NT5DC4: variants seen among roughly 807,000 people sequenced by gnomAD.
NT5DC4 encodes 5'-nucleotidase domain-containing protein 4.
Under a neutral mutation model 26.6 loss-of-function variants are expected in NT5DC4, and 44 were observed. The ratio of observed to expected loss-of-function variants is 1.65; its 90% CI spans 1.30 to 2.13. The LOEUF is 2.13. Among genes scored for constraint, NT5DC4 ranks in the 30% most tolerant of loss-of-function variants. The probability of loss-of-function intolerance (pLI) is 0.00; values close to 1 mark genes in which losing one functional copy is unlikely to be tolerated. For missense variants in NT5DC4, 399 were observed against 228.1 expected, an observed-to-expected ratio of 1.75 and a Z score of -4.83; for synonymous variants, 157 against 86.7, an observed-to-expected ratio of 1.81 and a Z score of -4.51.
intron 1 of NT5DC4, 168 bp from the exon 2 acceptor site, chr2:112,721,650 A>G: frequency 1.4e-6 from 1 of 716,618 alleles, no homozygotes; most frequent in Middle Eastern, 2.4e-4. Context: ...TCAGACACAC[A>G]TGGGTCCAGG....
At chr2:112,739,101 T>C (rs1679654649), downstream of NT5DC4, 16 of 1,332,398 alleles carry the variant, frequency 1.2e-5, no homozygotes, top group South Asian at 2.1e-4. Context: ...AAAAATTATC[T>C]TTATTATTTT....
upstream of NT5DC4, among the ~76,000 whole-genome samples, chr2:112,720,914 C>T (rs1351388737): frequency 6.6e-6 from 1 of 152,210 alleles, no homozygotes; most frequent in Admixed American, 6.5e-5. Flanking sequence ...CCTGTCCTGG[C>T]TGACTCCTCC....
rs1051049687 is a variant in NT5DC4, at chr2:112,734,020, C to T, written c.1344+4316C>T. Among the ~76,000 whole-genome samples the T allele has an allele frequency of 5.9e-5, 9 of 152,040 alleles. No homozygotes were observed. In the South Asian group the frequency reaches 8.3e-4, roughly 14 times the overall value. On this transcript the variant is annotated intron_variant, in intron 16 of 16. Coordinates refer to ENST00000688554, the MANE Select transcript of NT5DC4 (RefSeq NM_001393655.1). ...AGTTCTGAACCTGGAGCCAGACAGC[C>T]CTGACTTTGAAATTGCAGGACTGAC... is the stretch of plus-strand genomic sequence containing the variant.
Position 112,723,776 on chromosome 2 carries a change from A to C in NT5DC4, c.730A>C (p.Thr244Pro). 1 of 717,120 alleles carries C rather than the reference A, an allele frequency of 1.4e-6. No homozygotes were observed. The highest frequency in any genetic ancestry group is 2.6e-6 in the Non-Finnish European group (1 of 385,012). 44.4% of individuals were successfully genotyped at this position (717,120 alleles called of 1,614,324 possible). A position where few individuals can be genotyped will look rare whatever the true frequency, so the allele number is the denominator to read the frequency against. ...GGAGGTTGGGAAAGTGTTTCTGGCC[A>C]CCAACAGCAGCTACAACTACACCAA... is the stretch of plus-strand genomic sequence containing the variant. ...MKEVGKVFLA[T>P]NSSYNYTNAI... Residue 244 changes from threonine to proline, a missense_variant, in exon 9 of 17, where the codon ACC becomes CCC. By Grantham distance (38) the Thr-to-Pro change is conservative. Transcript: ENST00000688554.
rs1375167274 is a variant in NT5DC4, at chr2:112,722,545, A to G, written c.425A>G (p.Asp142Gly). 2.8e-6 allele frequency: 2 copies of G among 717,202 alleles called. No individual in the cohort carries two copies. The highest frequency in any genetic ancestry group is 3.5e-5 in the African/African-American group (2 of 57,200). 44.4% of individuals were successfully genotyped at this position (717,202 alleles called of 1,614,324 possible). A position where few individuals can be genotyped will look rare whatever the true frequency, so the allele number is the denominator to read the frequency against. Reference protein sequence around the residue: ...FYPSKFIQRDDLQCFYILNML... With the variant: ...FYPSKFIQRDGLQCFYILNML... ...CCCAGCAAGTTCATTCAGAGGGACGACCTGCAGTGTTTCTACATACTCAAC... is the reference window on the plus strand; with the variant it reads ...CCCAGCAAGTTCATTCAGAGGGACGGCCTGCAGTGTTTCTACATACTCAAC... Residue 142 changes from aspartate (D) to glycine (G), a missense_variant, in exon 5 of 17, where the codon GAC (aspartate) becomes GGC (glycine). Physicochemically the swap from Asp to Gly is moderately conservative, Grantham distance 94. Transcript: ENST00000688554.
chr2:112,728,698 G>A (rs1184970158), intron 15 of NT5DC4, among the ~76,000 whole-genome samples: 2 of 152,122 alleles, frequency 1.3e-5, no homozygotes, highest in East Asian at 3.8e-4. Flanking sequence ...CACTGGGCTG[G>A]GTGCTTTTCA....
rs1676817874 is a variant in NT5DC4 at position 112,721,031 on chromosome 2, G to A, written c.-49G>A. On this transcript the variant is annotated 5_prime_UTR_variant, in exon 1 of 17. Transcript: ENST00000688554. ...AGTGGCTGGGCCCCACTGATAGTGTGCAGGAGGCTGAGGAAGGGACACTTG... is the reference window on the plus strand; with the variant it reads ...AGTGGCTGGGCCCCACTGATAGTGTACAGGAGGCTGAGGAAGGGACACTTG... Among the ~76,000 whole-genome samples, 1 of 152,182 alleles carries A rather than the reference G, an allele frequency of 6.6e-6. No individual in the cohort carries two copies. The highest frequency in any genetic ancestry group is 2.4e-5 in the African/African-American group (1 of 41,438).
rs1187943163 is a variant in NT5DC4, at chr2:112,723,805, G to T, written c.756+3G>T. The T allele has an allele frequency of 2.1e-5, 15 of 708,678 alleles. No homozygotes were observed. In the African/African-American group the frequency reaches 2.5e-4, roughly 12 times the overall value. 43.9% of individuals were successfully genotyped at this position (708,678 alleles called of 1,614,324 possible). A position where few individuals can be genotyped will look rare whatever the true frequency, so the allele number is the denominator to read the frequency against. On this transcript the variant is annotated splice_donor_region_variant and intron_variant, in intron 9 of 16. Transcript: ENST00000688554. ...ACAGCAGCTACAACTACACCAATGT[G>T]AGTATGTGTATGGAGGGGTGGACCG... is the stretch of plus-strand genomic sequence containing the variant.
chr2:112,730,483 C>T (rs544275613), intron 16 of NT5DC4, among the ~76,000 whole-genome samples: 1 of 152,154 alleles, frequency 6.6e-6, no homozygotes, highest in African/African-American at 2.4e-5. Flanking sequence ...CACATTGAGG[C>T]TTCCTCCCCA....
At chr2:112,723,236 C>G (rs2104716804) in intron 7 of NT5DC4, 62 bp downstream of exon 7, 1 of 716,724 alleles carries the variant, frequency 1.4e-6, no homozygotes, top group Non-Finnish European at 2.6e-6. Flanking sequence ...CCCCGGGCAG[C>G]CTTCAGGCCT....
chr2:112,738,232 C>T (rs1451981459), intron 16 of NT5DC4: 3 of 152,358 alleles, frequency 2.0e-5, no homozygotes, highest in Non-Finnish European at 4.4e-5. Flanking sequence ...TGTGTTTCAT[C>T]TGAGGAGACC....
At position 112,723,123 on chromosome 2, in the gene NT5DC4, C is replaced by T; in HGVS notation, c.570C>T (p.Phe190=). ...GYQHGNLFMS[F]RSLFQDVTDA... Reference sequence around the variant, plus strand: ...AGCATGGGAACCTCTTCATGTCCTTCCGAAGCCTCTTCCAGGATGTGACTG... The same window carrying T: ...AGCATGGGAACCTCTTCATGTCCTTTCGAAGCCTCTTCCAGGATGTGACTG... Residue 190 remains phenylalanine (F), a synonymous_variant, in exon 7 of 17, where the codon TTC becomes TTT. Transcript: ENST00000688554. 1 of 717,316 alleles carries T rather than the reference C, an allele frequency of 1.4e-6. No homozygotes were observed. The allele number at this position is 717,316 out of a possible 1,614,324, so 44.4% of individuals were successfully genotyped here.
At chr2:112,728,175 G>A (rs1021292450) in intron 15 of NT5DC4, among the ~76,000 whole-genome samples, 1 of 152,318 alleles carries the variant, frequency 6.6e-6, no homozygotes, top group East Asian at 1.9e-4. Flanking sequence ...CAGATAAGAT[G>A]CCTCGGCAGG....
At position 112,725,443 on chromosome 2, in the gene NT5DC4, G is replaced by A. The variant is rs993497940; in HGVS notation, c.1044G>A (p.Gly348=). 2 of 717,040 alleles carry A rather than the reference G, an allele frequency of 2.8e-6. No individual in the cohort carries two copies. Among genetic ancestry groups the A allele is most frequent in the African/African-American group, 3.5e-5 (2 of 57,216 alleles). The allele number at this position is 717,040 out of a possible 1,614,324, so 44.4% of individuals were successfully genotyped here. Residue 348 remains glycine, a synonymous_variant, in exon 13 of 17, where the codon GGG becomes GGA. Coordinates refer to ENST00000688554, the MANE Select transcript of NT5DC4 (RefSeq NM_001393655.1). ...GGGGGATGGACATCCTGTACATTGG[G>A]GACCACATTTTTGGGGACATTCTCA... ...GVRGMDILYI[G]DHIFGDILKS...
intron 16 of NT5DC4, among the ~76,000 whole-genome samples, chr2:112,733,061 C>G (rs1678669396): frequency 6.6e-6 from 1 of 152,082 alleles, no homozygotes; most frequent in Non-Finnish European, 1.5e-5. Flanking sequence ...TCTTGTAGAA[C>G]TGCAGGGAAA....
chr2:112,733,831 A>G (rs1196255103), intron 16 of NT5DC4, among the ~76,000 whole-genome samples: 3 of 152,224 alleles, frequency 2.0e-5, no homozygotes, highest in Non-Finnish European at 4.4e-5. Context: ...CTAGTGGTAA[A>G]AATGTGATCA....
chr2:112,742,265 G>T, downstream of NT5DC4: 1 of 664,868 alleles, frequency 1.5e-6, no homozygotes, highest in South Asian at 1.7e-5. Flanking sequence ...TCTTCTAAAG[G>T]TTATGACCAC....
At chr2:112,719,621 G>A (rs60241346), upstream of NT5DC4, among the ~76,000 whole-genome samples, 1 of 151,344 alleles carries the variant, frequency 6.6e-6, no homozygotes, top group South Asian at 2.1e-4. Flanking sequence ...GAGTAGCTGG[G>A]ATTACAGGCA....
At chr2:112,733,177 C>A (rs1678682213) in intron 16 of NT5DC4, among the ~76,000 whole-genome samples, 1 of 151,822 alleles carries the variant, frequency 6.6e-6, no homozygotes, top group Admixed American at 6.6e-5. Context: ...AACTCATATC[C>A]TTAGACAAAC....
Sources: gnomAD v4.1 joint callset for allele counts (sites outside exome capture counted in the v4.1 genomes callset) on GRCh38, gnomAD v4.1.1 for gene constraint, MANE v1.5 for transcripts, NCBI Gene and HGNC (gene_info 2026-07-23, HGNC 2026-07-21) for gene names.